Variants in SLC12A6 observed in about 807,000 individuals in gnomAD.
SLC12A6 encodes the protein solute carrier family 12 member 6, also known as K-Cl cotransporter 3.
A neutral mutation model predicts 135.3 loss-of-function variants in SLC12A6; 66 were observed. That is an observed-to-expected ratio of 0.49 (90% CI 0.40 to 0.60). The LOEUF (loss-of-function observed/expected upper bound fraction) is 0.60, where lower values mean the gene tolerates loss of function less well. Ranked by LOEUF, SLC12A6 falls within the 20% of genes least tolerant of loss-of-function variation. The probability of loss-of-function intolerance (pLI) is 0.00; values close to 1 mark genes in which losing one functional copy is unlikely to be tolerated. For synonymous variants in SLC12A6, 513 were observed against 508.8 expected (o/e 1.01, Z -0.11); for missense variants, 1,058 against 1,452.3 (o/e 0.73, Z 4.41).
chr15:34,318,923 T>C, intron 2 of SLC12A6: 1 of 910,454 alleles, frequency 1.1e-6, no homozygotes, highest in Non-Finnish European at 1.5e-6. Flanking sequence ...CACCCTTGCT[T>C]ATTGTTATTA....
At chr15:34,245,249 A>C in intron 15 of SLC12A6, 36 bp downstream of exon 15, 3 of 1,086,438 alleles carry the variant, frequency 2.8e-6, no homozygotes, top group South Asian at 2.5e-5. Flanking sequence ...TTTATCATTT[A>C]AGCAAGAATA....
chr15:34,315,529 C>T (rs542666527), intron 2 of SLC12A6, among the ~76,000 whole-genome samples: 1 of 152,014 alleles, frequency 6.6e-6, no homozygotes, highest in South Asian at 2.1e-4. Flanking sequence ...GAGTTTGAGT[C>T]CAGCCTGAGT....
At chr15:34,286,125 G>C (rs1025211637) in intron 2 of SLC12A6, among the ~76,000 whole-genome samples, 3 of 151,756 alleles carry the variant, frequency 2.0e-5, no homozygotes, top group Non-Finnish European at 4.4e-5. Context: ...CCAGGCTGGA[G>C]TGTGGTAGCA....
In SLC12A6 at chr15:34,336,752, A is replaced by T. The variant is rs1272965383; in HGVS notation, c.-72T>A. The T allele has an allele frequency of 1.7e-6, 2 of 1,175,152 alleles. No homozygotes were observed. Among genetic ancestry groups the T allele is most frequent in the Non-Finnish European group, 2.6e-6 (2 of 781,820 alleles). 72.8% of individuals were successfully genotyped at this position (1,175,152 alleles called of 1,614,324 possible). ...CTTCCTCTTACGCTAGCTACTTTTG[A>T]CTGCAATACAAAAGATAACTTGAAA... On this transcript the variant is annotated splice_region_variant and 5_prime_UTR_variant, in exon 2 of 26. Coordinates refer to ENST00000354181, the MANE Select transcript of SLC12A6 (RefSeq NM_001365088.1).
At chr15:34,260,189 T>C (rs1220709364) in intron 4 of SLC12A6, among the ~76,000 whole-genome samples, 1 of 152,188 alleles carries the variant, frequency 6.6e-6, no homozygotes, top group African/African-American at 2.4e-5. Context: ...TTGTAATCCA[T>C]AAATATATAC....
intron 2 of SLC12A6, among the ~76,000 whole-genome samples, chr15:34,288,030 T>G (rs183977769): frequency 6.6e-6 from 1 of 152,206 alleles, no homozygotes; most frequent in African/African-American, 2.4e-5. Flanking sequence ...TGCTTTGGTG[T>G]TTTAGACATG....
chr15:34,311,402 A>G (rs1888246871), intron 2 of SLC12A6, among the ~76,000 whole-genome samples: 1 of 152,252 alleles, frequency 6.6e-6, no homozygotes. Context: ...ATGGAAATTC[A>G]TATCTGATTA....
chr15:34,333,561 G>A (rs988196306), intron 2 of SLC12A6, among the ~76,000 whole-genome samples: 3 of 151,996 alleles, frequency 2.0e-5, no homozygotes, highest in South Asian at 2.1e-4. Context: ...ACTTTCCAGA[G>A]GCATCCACTC....
intron 19 of SLC12A6, among the ~76,000 whole-genome samples, chr15:34,240,157 T>C (rs535052010): frequency 7.9e-5 from 12 of 151,550 alleles, no homozygotes; most frequent in African/African-American, 2.4e-4. Context: ...TCAAAAACAA[T>C]AGGATTAGTT....
intron 2 of SLC12A6, among the ~76,000 whole-genome samples, chr15:34,324,117 G>A (rs1394475799): frequency 6.6e-6 from 1 of 151,892 alleles, no homozygotes; most frequent in East Asian, 1.9e-4. Context: ...AAAAGCGTAA[G>A]TCCACAAAAA....
chr15:34,318,664 A>C (rs1888827721), intron 2 of SLC12A6: 1 of 1,613,428 alleles, frequency 6.2e-7, no homozygotes, highest in African/African-American at 1.3e-5. Context: ...CCTTAGTCAC[A>C]GTAAAATGTG....
intron 2 of SLC12A6, among the ~76,000 whole-genome samples, chr15:34,292,511 C>T (rs1895608931): frequency 6.6e-6 from 1 of 152,224 alleles, no homozygotes; most frequent in African/African-American, 2.4e-5. Context: ...GGGAGAACCA[C>T]TGCTCTCTTC....
intron 2 of SLC12A6, among the ~76,000 whole-genome samples, chr15:34,334,245 A>G (rs1233434689): frequency 1.3e-5 from 2 of 152,214 alleles, no homozygotes; most frequent in South Asian, 2.1e-4. Flanking sequence ...AAGGATGTAC[A>G]AAGGGTGAAA....
In SLC12A6 at chr15:34,230,014, C is replaced by CTTTA. The variant is rs899073549; in HGVS notation, c.*3863_*3866dup. The CTTTA allele has an allele frequency of 1.7e-6, 1 of 574,060 alleles. No individual in the cohort carries two copies. Among genetic ancestry groups the CTTTA allele is most frequent in the East Asian group, 2.9e-5 (1 of 34,068 alleles). 35.6% of individuals were successfully genotyped at this position (574,060 alleles called of 1,614,324 possible). ...CCAAGGCTGAAAATAATGTAGAAAA[C>CTTTA]TTTATTTTTGTTTCCAGTACAGAGC... is the stretch of plus-strand genomic sequence containing the variant. On this transcript the variant is annotated 3_prime_UTR_variant, in exon 26 of 26. Coordinates refer to ENST00000354181, the MANE Select transcript of SLC12A6 (RefSeq NM_001365088.1).
intron 3 of SLC12A6, among the ~76,000 whole-genome samples, chr15:34,270,375 G>A (rs1432937857): frequency 6.6e-6 from 1 of 152,134 alleles, no homozygotes. Flanking sequence ...TGGGACTACA[G>A]GCGTGTGCCA....
rs752558011 is a variant in SLC12A6, at chr15:34,236,181, G to A, written c.3061C>T (p.Arg1021Ter). 2 of 1,613,554 alleles carry A rather than the reference G, an allele frequency of 1.2e-6. No individual in the cohort carries two copies. Among genetic ancestry groups the A allele is most frequent in the African/African-American group, 1.3e-5 (1 of 74,844 alleles). ...RDREAQLVKD[R>*]NSMLRLTSIG... ...CTGGTCAATCGTAGCATTGAGTTTC[G>A]GTCTTTCACCAATTGTGCCTGAGGA... The change falls in exon 24 of 26, where the codon CGA becomes TGA. Residue 1021 changes from arginine (R) to a stop codon, truncating the protein, a stop_gained. Coordinates refer to ENST00000354181, the MANE Select transcript of SLC12A6 (RefSeq NM_001365088.1). LOFTEE classifies it high-confidence loss of function.
intron 2 of SLC12A6, among the ~76,000 whole-genome samples, chr15:34,299,372 T>C (rs982520423): frequency 2.2e-4 from 34 of 152,228 alleles, no homozygotes; most frequent in African/African-American, 8.2e-4. Context: ...ATCAACATAT[T>C]AATTCAACAA....
intron 6 of SLC12A6, 52 bp from the exon 7 acceptor site, chr15:34,256,335 T>C: frequency 8.2e-7 from 1 of 1,226,894 alleles, no homozygotes; most frequent in Non-Finnish European, 1.2e-6. Flanking sequence ...ATGACATTTC[T>C]ATACTACTTC....
At chr15:34,281,956 T>A (rs1343629051) in intron 2 of SLC12A6, among the ~76,000 whole-genome samples, 1 of 152,006 alleles carries the variant, frequency 6.6e-6, no homozygotes, top group Non-Finnish European at 1.5e-5. Flanking sequence ...AATAAAAATA[T>A]AGTTTAAAAA....
Sources: allele counts gnomAD v4.1 joint callset (sites outside exome capture counted in the v4.1 genomes callset), GRCh38; gene constraint gnomAD v4.1.1; transcripts MANE v1.5; gene names NCBI Gene and HGNC (gene_info 2026-07-23, HGNC 2026-07-21).